Variants in VTI1A observed in about 807,000 individuals in gnomAD.
VTI1A encodes the protein vesicle transport through interaction with t-SNAREs homolog 1A.
VTI1A carries 22 observed loss-of-function variants against 34.9 expected under a neutral mutation model. That is an observed-to-expected ratio of 0.63 (90% CI 0.45 to 0.90). VTI1A has a LOEUF of 0.90. VTI1A is among the 40% of genes least tolerant of loss of function. The pLI, the probability that VTI1A is intolerant of heterozygous loss-of-function variation, is 0.00. For synonymous variants in VTI1A, 87 were observed against 97.3 expected (o/e 0.89, Z 0.62); for missense variants, 268 against 275.6 (o/e 0.97, Z 0.20).
intron 3 of VTI1A, among the ~76,000 whole-genome samples, chr10:112,469,629 T>C (rs1227780974): frequency 6.6e-6 from 1 of 152,200 alleles, no homozygotes; most frequent in African/African-American, 2.4e-5. Flanking sequence ...TGGGTTCCTT[T>C]TGAATGACTG....
intron 7 of VTI1A, among the ~76,000 whole-genome samples, chr10:112,722,432 CA>C (rs997864143): frequency 7.5e-4 from 114 of 152,122 alleles, no homozygotes; most frequent in African/African-American, 2.6e-3. Context: ...ATGGGTGCAG[CA>C]CACCAACATG....
Position 112,602,840 on chromosome 10 carries a change from T to C in VTI1A, c.427+64510T>C, listed in dbSNP as rs183238824. 1.1e-4 allele frequency among the ~76,000 whole-genome samples: 16 copies of C among 152,338 alleles called. No individual in the cohort carries two copies. The East Asian group carries it at 2.9e-3, about 28-fold the overall frequency. On this transcript the variant is annotated intron_variant, in intron 5 of 7. Coordinates refer to ENST00000393077, the MANE Select transcript of VTI1A (RefSeq NM_145206.4). The stretch of plus-strand genomic sequence containing the variant: ...TTGGGTGATTTTTTTTATGAAAGCC[T>C]AAGCTTTAGAGAAACACCTTTATAG...
At chr10:112,653,230 G>T (rs1847103453) in intron 5 of VTI1A, among the ~76,000 whole-genome samples, 1 of 152,230 alleles carries the variant, frequency 6.6e-6, no homozygotes, top group Non-Finnish European at 1.5e-5. Context: ...GTTCTAGGAA[G>T]TCAGCGAGAA....
At chr10:112,603,505 T>C (rs984081876) in intron 5 of VTI1A, among the ~76,000 whole-genome samples, 14 of 152,208 alleles carry the variant, frequency 9.2e-5, no homozygotes, top group African/African-American at 3.4e-4. Flanking sequence ...ATTTCAGTAG[T>C]AATAGTAATA....
chr10:112,592,871 A>G (rs1457118173), intron 5 of VTI1A, among the ~76,000 whole-genome samples: 1 of 152,210 alleles, frequency 6.6e-6, no homozygotes. Flanking sequence ...TAAACCTACA[A>G]TTAGACTTGT....
At chr10:112,499,680 C>T (rs1849154582) in intron 3 of VTI1A, among the ~76,000 whole-genome samples, 5 of 152,166 alleles carry the variant, frequency 3.3e-5, no homozygotes, top group Non-Finnish European at 7.4e-5. Flanking sequence ...TTCTTCTTCC[C>T]GCATTTATTA....
intron 7 of VTI1A, among the ~76,000 whole-genome samples, chr10:112,797,520 A>C (rs1193214315): frequency 2.0e-5 from 3 of 151,808 alleles, no homozygotes; most frequent in Non-Finnish European, 4.4e-5. Flanking sequence ...TTCATTCTAG[A>C]AACCTCTCTA....
chr10:112,560,538 A>G (rs991104038), intron 5 of VTI1A, among the ~76,000 whole-genome samples: 2 of 150,402 alleles, frequency 1.3e-5, no homozygotes, highest in Non-Finnish European at 2.9e-5. Context: ...CCTGAGAGGC[A>G]TTTTGTTGAA....
chr10:112,590,548 C>T (rs1044755435), intron 5 of VTI1A, among the ~76,000 whole-genome samples: 5 of 151,704 alleles, frequency 3.3e-5, no homozygotes, highest in African/African-American at 1.2e-4. Context: ...GACATGGTGG[C>T]ATGCATGCCT....
At chr10:112,727,188 A>C (rs1036425949) in intron 7 of VTI1A, among the ~76,000 whole-genome samples, 4 of 152,204 alleles carry the variant, frequency 2.6e-5, no homozygotes, top group Non-Finnish European at 5.9e-5. Context: ...AAACCAAAGC[A>C]CAAACTGGTC....
At chr10:112,476,703 A>C (rs1271937358) in intron 3 of VTI1A, among the ~76,000 whole-genome samples, 1 of 152,224 alleles carries the variant, frequency 6.6e-6, no homozygotes, top group Non-Finnish European at 1.5e-5. Context: ...CTAGGGTTAC[A>C]AAAGTATTTG....
chr10:112,803,481 G>C (rs898668888), intron 7 of VTI1A, among the ~76,000 whole-genome samples: 2 of 152,360 alleles, frequency 1.3e-5, no homozygotes, highest in African/African-American at 4.8e-5. Context: ...GTGGCCGCTT[G>C]AATGAGAAAG....
At chr10:112,798,465 C>T (rs1177955851) in intron 7 of VTI1A, among the ~76,000 whole-genome samples, 1 of 152,102 alleles carries the variant, frequency 6.6e-6, no homozygotes, top group Non-Finnish European at 1.5e-5. Flanking sequence ...GGGAGTGTCC[C>T]CAAAGAATGA....
At chr10:112,468,234 G>A (rs563908170) in intron 3 of VTI1A, among the ~76,000 whole-genome samples, 182 of 152,252 alleles carry the variant, frequency 1.2e-3, no homozygotes, top group African/African-American at 3.8e-3. Flanking sequence ...ACGGTCCTTC[G>A]ACTCCTGTTT....
intron 5 of VTI1A, among the ~76,000 whole-genome samples, chr10:112,656,652 A>G (rs1847242227): frequency 6.6e-6 from 1 of 150,874 alleles, no homozygotes; most frequent in Non-Finnish European, 1.5e-5. Context: ...TATAGGCATG[A>G]GCCACCACAC....
chr10:112,492,685 G>A (rs1848871376), intron 3 of VTI1A, among the ~76,000 whole-genome samples: 1 of 151,762 alleles, frequency 6.6e-6, no homozygotes, highest in South Asian at 2.1e-4. Context: ...TACTTGGGAG[G>A]CTGAGCTAGG....
intron 5 of VTI1A, among the ~76,000 whole-genome samples, chr10:112,571,328 C>T (rs566098926): frequency 1.2e-3 from 182 of 152,256 alleles, no homozygotes; most frequent in Middle Eastern, 0.01. Context: ...TAAGGAAACT[C>T]GTTCCTCTAT....
chr10:112,572,731 G>A (rs1852183776), intron 5 of VTI1A, among the ~76,000 whole-genome samples: 1 of 151,880 alleles, frequency 6.6e-6, no homozygotes, highest in South Asian at 2.1e-4. Flanking sequence ...CCAGCTACTC[G>A]GGAGGCTGAA....
intron 5 of VTI1A, among the ~76,000 whole-genome samples, chr10:112,545,020 G>A (rs1399416856): frequency 2.0e-5 from 3 of 152,192 alleles, no homozygotes; most frequent in Non-Finnish European, 2.9e-5. Context: ...AGGGATTGGA[G>A]TGGTGGCAGA....
Sources: allele counts gnomAD v4.1 joint callset (sites outside exome capture counted in the v4.1 genomes callset), GRCh38; gene constraint gnomAD v4.1.1; transcripts MANE v1.5; gene names NCBI Gene and HGNC (gene_info 2026-07-23, HGNC 2026-07-21).